The following RANBP2 variants were observed in gnomAD, a reference collection of about 807,000 sequenced individuals.
The protein encoded by RANBP2 is E3 SUMO-protein ligase RanBP2.
In RANBP2, 57 loss-of-function variants were observed where a neutral mutation model predicts 303.6. The ratio of observed to expected loss-of-function variants is 0.19; its 90% CI spans 0.15 to 0.23. The LOEUF (loss-of-function observed/expected upper bound fraction) is 0.23. RANBP2 is among the 10% of genes least tolerant of loss of function. The pLI, the probability that RANBP2 is intolerant of heterozygous loss-of-function variation, is 1.00. For synonymous variants in RANBP2, 1,167 were observed against 1,301.5 expected (o/e 0.90, Z 2.23); for missense variants, 3,138 against 3,780.8 (o/e 0.83, Z 4.46).
chr2:109,029,139 TAAAATAAA>T, the RANBP2 span, among the ~76,000 whole-genome samples: 1 of 151,152 alleles, frequency 6.6e-6, no homozygotes, highest in African/African-American at 2.5e-5. Flanking sequence ...CAAAAATAAA[TAAAATAAA>T]TAAATAAATA....
the RANBP2 span, among the ~76,000 whole-genome samples, chr2:109,108,674 C>T: frequency 6.6e-6 from 1 of 152,214 alleles, no homozygotes; most frequent in Non-Finnish European, 1.5e-5. Flanking sequence ...GGAAATAAAG[C>T]TCCCACTTAG....
chr2:108,857,066 CTTTTT>C, the RANBP2 span: 646 of 41,860 alleles, frequency 0.015, no homozygotes, highest in South Asian at 0.05. Flanking sequence ...GATACTATTG[CTTTTT>C]TTTTTTTTTT....
chr2:109,458,868 A>G, the RANBP2 span, among the ~76,000 whole-genome samples: 3 of 152,222 alleles, frequency 2.0e-5, no homozygotes, highest in African/African-American at 7.2e-5. Context: ...AAATGCCTTC[A>G]TAGCAACATC....
the RANBP2 span, among the ~76,000 whole-genome samples, chr2:108,932,928 C>A: frequency 6.6e-6 from 1 of 152,160 alleles, no homozygotes; most frequent in Admixed American, 6.5e-5. Flanking sequence ...TCCAGAGATC[C>A]CTGGGGAGCA....
At chr2:109,719,456 G>C in the RANBP2 span, among the ~76,000 whole-genome samples, 1 of 146,858 alleles carries the variant, frequency 6.8e-6, no homozygotes, top group South Asian at 2.2e-4. Context: ...CGCCAGGCTG[G>C]AGTGCAATGG....
the RANBP2 span, among the ~76,000 whole-genome samples, chr2:109,367,667 T>C: frequency 1.3e-5 from 2 of 152,258 alleles, no homozygotes; most frequent in African/African-American, 2.4e-5. Flanking sequence ...GTGTATTCCA[T>C]TGAATGCACA....
At chr2:109,137,821 C>T in the RANBP2 span, among the ~76,000 whole-genome samples, 1 of 152,202 alleles carries the variant, frequency 6.6e-6, no homozygotes, top group African/African-American at 2.4e-5. Flanking sequence ...GCCACTGTTG[C>T]TGTTTGATTT....
chr2:108,866,153 C>T, the RANBP2 span, among the ~76,000 whole-genome samples: 1 of 152,126 alleles, frequency 6.6e-6, no homozygotes, highest in Admixed American at 6.5e-5. Context: ...GGAATTTGGC[C>T]ATGGGGATTG....
At chr2:109,395,425 G>T in the RANBP2 span, among the ~76,000 whole-genome samples, 8 of 152,214 alleles carry the variant, frequency 5.3e-5, no homozygotes, top group African/African-American at 1.7e-4. Flanking sequence ...CTCGGCAGCG[G>T]TTCGCCTGCC....
chr2:108,739,843 C>T (rs571332020), intron 6 of RANBP2, among the ~76,000 whole-genome samples: 90 of 152,156 alleles, frequency 5.9e-4, no homozygotes, highest in African/African-American at 2.0e-3. Flanking sequence ...AAAAGTTTAG[C>T]GGGGCATGGT....
chr2:109,295,299 A>T, the RANBP2 span, among the ~76,000 whole-genome samples: 1 of 152,140 alleles, frequency 6.6e-6, no homozygotes, highest in Non-Finnish European at 1.5e-5. Flanking sequence ...TGTCATCCCC[A>T]ATTTGTAGAT....
chr2:108,774,548 T>TGTATTGC (rs1677739507), intron 23 of RANBP2, among the ~76,000 whole-genome samples: 5 of 152,218 alleles, frequency 3.3e-5, no homozygotes, highest in African/African-American at 1.2e-4. Flanking sequence ...TGGAAGAGAC[T>TGTATTGC]TGGTTGTTGA....
chr2:109,273,072 G>A, the RANBP2 span, among the ~76,000 whole-genome samples: 8 of 152,338 alleles, frequency 5.3e-5, no homozygotes, highest in Non-Finnish European at 1.0e-4. Flanking sequence ...AATAGAAGTT[G>A]TTTACTGAGT....
At chr2:108,788,897 A>T, downstream of RANBP2, 1 of 1,614,184 alleles carries the variant, frequency 6.2e-7, no homozygotes, top group African/African-American at 1.3e-5. Context: ...TCATCGTTAA[A>T]ATATTCTGAT....
the RANBP2 span, among the ~76,000 whole-genome samples, chr2:108,994,186 C>G: frequency 6.6e-6 from 1 of 152,192 alleles, no homozygotes; most frequent in East Asian, 1.9e-4. Context: ...GGATTTGGAA[C>G]ACAGCTGTCA....
At chr2:109,049,021 T>A in the RANBP2 span, among the ~76,000 whole-genome samples, 146 of 152,352 alleles carry the variant, frequency 9.6e-4, no homozygotes, top group Non-Finnish European at 1.1e-3. Context: ...AACTATTAAA[T>A]GTGCTCTTTG....
At chr2:109,691,122 T>C in the RANBP2 span, among the ~76,000 whole-genome samples, 12 of 152,212 alleles carry the variant, frequency 7.9e-5, no homozygotes, top group South Asian at 1.0e-3. Flanking sequence ...AGGCTAAAAA[T>C]ACGTAGGAAT....
the RANBP2 span, among the ~76,000 whole-genome samples, chr2:109,298,044 G>A: frequency 1.3e-4 from 20 of 152,304 alleles, no homozygotes; most frequent in African/African-American, 4.1e-4. Context: ...GTGTGGGAAC[G>A]TACCCTGTGG....
chr2:108,996,723 A>C, the RANBP2 span, among the ~76,000 whole-genome samples: 1 of 150,652 alleles, frequency 6.6e-6, no homozygotes, highest in Admixed American at 6.6e-5. Flanking sequence ...TGGCAGTAAC[A>C]CAGGAACCCT....
Sources: allele counts gnomAD v4.1 joint callset (sites outside exome capture counted in the v4.1 genomes callset), GRCh38; gene constraint gnomAD v4.1.1; transcripts MANE v1.5; gene names NCBI Gene and HGNC (gene_info 2026-07-23, HGNC 2026-07-21).